Variants in SPDEF observed in about 807,000 individuals in gnomAD.
SPDEF encodes the protein SAM pointed domain containing ETS transcription factor, also known as SAM pointed domain-containing Ets transcription factor.
Under a neutral mutation model 36.0 loss-of-function variants are expected in SPDEF, and 12 were observed. The observed-to-expected ratio is 0.33, with a 90% CI of 0.21 to 0.54. The LOEUF is 0.54. Ranked by LOEUF, SPDEF falls within the 20% of genes least tolerant of loss-of-function variation. SPDEF has a pLI of 0.93. For synonymous variants in SPDEF, 205 were observed against 193.0 expected, an observed-to-expected ratio of 1.06 and a Z score of -0.51; for missense variants, 388 against 456.9, an observed-to-expected ratio of 0.85 and a Z score of 1.37.
At position 34,539,419 on chromosome 6, in the gene SPDEF, G is replaced by T. The variant is rs201024618; in HGVS notation, c.683-23C>A. 4.3e-6 allele frequency: 7 copies of T among 1,612,756 alleles called. No homozygotes were observed. In the East Asian group the frequency reaches 1.3e-4, roughly 31 times the overall value. On this transcript the variant is annotated intron_variant, in intron 4 of 5. Coordinates refer to ENST00000374037, the MANE Select transcript of SPDEF (RefSeq NM_012391.3). This position sits in a 1 kb window ranked among gnomAD's most constrained non-coding sequence, Gnocchi z 5.2. ...AGGCTGGGTGGCCAGGGAGGGTGGC[G>T]GTGAGTGGGAATGGGAGGCCAGTCC... is the stretch of plus-strand genomic sequence containing the variant.
rs1243784672 is a variant in SPDEF at position 34,538,023 on chromosome 6, AGCC to A, written c.*248_*250del. The A allele has an allele frequency of 8.7e-6, 4 of 458,696 alleles. No individual in the cohort carries two copies. Among genetic ancestry groups the A allele is most frequent in the Non-Finnish European group, 1.6e-5 (4 of 254,168 alleles). The allele number at this position is 458,696 out of a possible 1,614,324, so 28.4% of individuals were successfully genotyped here. On this transcript the variant is annotated 3_prime_UTR_variant, in exon 6 of 6. Coordinates refer to ENST00000374037, the MANE Select transcript of SPDEF (RefSeq NM_012391.3). The surrounding 1 kb of genome is among the most constrained non-coding windows in gnomAD (Gnocchi z 5.9). ...GGGTCAGAGGCAGGTGTTGGGGAGC[AGCC>A]CTGTCTCCCTCTGTCCTCCAGGGGA...
intron 1 of SPDEF, among the ~76,000 whole-genome samples, chr6:34,545,337 G>T (rs899964557): frequency 6.6e-6 from 1 of 152,246 alleles, no homozygotes; most frequent in African/African-American, 2.4e-5. Flanking sequence ...GTGAGATGGG[G>T]CAGGGCTCCA....
rs576498823 is a variant in SPDEF, at chr6:34,544,303, G to C, written c.153C>G (p.Pro51=). Residue 51 remains proline, a synonymous_variant, in exon 2 of 6, where the codon CCC becomes CCG. Transcript: ENST00000374037. This position sits in a 1 kb window ranked among gnomAD's most constrained non-coding sequence, Gnocchi z 4.4. ...GGTAGAAGGCGGACAGGCCCTGCTCGGGCGTGGCGGGTGGACTGGGACTCC... is the reference window on the plus strand; with the variant it reads ...GGTAGAAGGCGGACAGGCCCTGCTCCGGCGTGGCGGGTGGACTGGGACTCC... ...RDWSPSPPAT[P]EQGLSAFYLS... is the part of the protein sequence containing the mutation. 3 of 1,610,934 alleles carry C rather than the reference G, an allele frequency of 1.9e-6. No individual in the cohort carries two copies. The highest frequency in any genetic ancestry group is 2.2e-5 in the East Asian group (1 of 44,866).
rs749491032 is a variant in SPDEF, at chr6:34,544,145, C to G, written c.311G>C (p.Ser104Thr). Residue 104 changes from serine to threonine, a missense_variant, in exon 2 of 6, where the codon AGC becomes ACC. Transcript: ENST00000374037. The surrounding 1 kb of genome is among the most constrained non-coding windows in gnomAD (Gnocchi z 4.4). ...PVIDSQAPAGSLDLVPGGLTL... is the reference protein window; with the variant it reads ...PVIDSQAPAGTLDLVPGGLTL... The stretch of plus-strand genomic sequence containing the variant: ...CAGCCCGCCGGGCACCAAGTCCAGG[C>G]TGCCCGCTGGGGCTTGGCTGTCAAT... 1.2e-6 allele frequency: 2 copies of G among 1,613,916 alleles called. No individual in the cohort carries two copies. Among genetic ancestry groups the G allele is most frequent in the South Asian group, 2.2e-5 (2 of 91,070 alleles).
chr6:34,549,737 C>G (rs1379394703), intron 1 of SPDEF, among the ~76,000 whole-genome samples: 1 of 152,188 alleles, frequency 6.6e-6, no homozygotes, highest in Admixed American at 6.5e-5. Context: ...AATGCCAGCC[C>G]GCCCAGAGCC....
intron 1 of SPDEF, among the ~76,000 whole-genome samples, chr6:34,553,771 G>A (rs926369168): frequency 6.6e-6 from 1 of 151,924 alleles, no homozygotes; most frequent in Admixed American, 6.6e-5. Context: ...GTGGAGTCTG[G>A]GGGGAGCTGA....
At position 34,540,843 on chromosome 6, in the gene SPDEF, T is replaced by C. The variant is rs955323878; in HGVS notation, c.634+141A>G. The stretch of plus-strand genomic sequence containing the variant: ...AGTGCACCAGGATCCAGGAGGCAGC[T>C]GAAACTGGGGCTGAGATTCAGAGTG... On this transcript the variant is annotated intron_variant, in intron 3 of 5. Coordinates refer to ENST00000374037, the MANE Select transcript of SPDEF (RefSeq NM_012391.3). The C allele has an allele frequency of 7.2e-5, 56 of 774,194 alleles. No individual in the cohort carries two copies. The African/African-American group carries it at 7.8e-4, about 11-fold the overall frequency. 48.0% of individuals were successfully genotyped at this position (774,194 alleles called of 1,614,324 possible).
rs1435822070 is a variant in SPDEF, at chr6:34,552,945, C to T, written c.-30+2984G>A. On this transcript the variant is annotated intron_variant, in intron 1 of 5. Coordinates refer to ENST00000374037, the MANE Select transcript of SPDEF (RefSeq NM_012391.3). The surrounding 1 kb of genome is among the most constrained non-coding windows in gnomAD (Gnocchi z 4.6). ...GCAGCCCTCAAAGCAACTTGCTACC[C>T]CAGGAGCAGAGAGGCCTGGGCCTTG... Among the ~76,000 whole-genome samples, 1 of 152,138 alleles carries T rather than the reference C, an allele frequency of 6.6e-6. No homozygotes were observed. The highest frequency in any genetic ancestry group is 1.5e-5 in the Non-Finnish European group (1 of 68,016).
At chr6:34,549,913 T>C (rs1768025185) in intron 1 of SPDEF, among the ~76,000 whole-genome samples, 1 of 152,190 alleles carries the variant, frequency 6.6e-6, no homozygotes, top group Non-Finnish European at 1.5e-5. Context: ...GAGCTGTCTG[T>C]CAGCCCCTCC....
chr6:34,549,289 A>G (rs970112145), intron 1 of SPDEF, among the ~76,000 whole-genome samples: 5 of 152,224 alleles, frequency 3.3e-5, no homozygotes, highest in African/African-American at 2.4e-5. Context: ...AGACAGGAGC[A>G]GAATGGTGGG....
chr6:34,550,032 G>A (rs1768027471), intron 1 of SPDEF, among the ~76,000 whole-genome samples: 1 of 152,216 alleles, frequency 6.6e-6, no homozygotes, highest in Admixed American at 6.5e-5. Context: ...GGGGCCACAT[G>A]GGCCTGCCCT....
rs1283484567 is a variant in SPDEF, at chr6:34,544,972, G to A, written c.-29-488C>T. On this transcript the variant is annotated intron_variant, in intron 1 of 5. Coordinates refer to ENST00000374037, the MANE Select transcript of SPDEF (RefSeq NM_012391.3). The surrounding 1 kb of genome is among the most constrained non-coding windows in gnomAD (Gnocchi z 4.4). ...GGCAGGCAGAGGCCACCATCCTAAA[G>A]GTGGCTATCATCTTCACCAGCAGGG... 6.6e-6 allele frequency among the ~76,000 whole-genome samples: 1 copy of A among 152,328 alleles called. No individual in the cohort carries two copies. The highest frequency in any genetic ancestry group is 6.5e-5 in the Admixed American group (1 of 15,304).
In SPDEF at chr6:34,539,158, C is replaced by A; in HGVS notation, c.829+92G>T. ...GGTGGGGATCAGCTTCACCCCTCTG[C>A]CCGCCCCTGCCCCCATGCACCGTGC... On this transcript the variant is annotated intron_variant, in intron 5 of 5. Transcript: ENST00000374037. This position sits in a 1 kb window ranked among gnomAD's most constrained non-coding sequence, Gnocchi z 5.2. The A allele has an allele frequency of 6.8e-7, 1 of 1,463,714 alleles. No individual in the cohort carries two copies. The highest frequency in any genetic ancestry group is 1.9e-5 in the Admixed American group (1 of 53,696). 90.7% of individuals were successfully genotyped at this position (1,463,714 alleles called of 1,614,324 possible).
intron 1 of SPDEF, among the ~76,000 whole-genome samples, chr6:34,545,531 A>C (rs1389321252): frequency 6.6e-6 from 1 of 152,242 alleles, no homozygotes; most frequent in Non-Finnish European, 1.5e-5. Flanking sequence ...AGTTTGGGTG[A>C]GAAGGGGGAC....
chr6:34,540,026 C>T (rs960964997), intron 3 of SPDEF, among the ~76,000 whole-genome samples: 1 of 152,148 alleles, frequency 6.6e-6, no homozygotes, highest in Non-Finnish European at 1.5e-5. Flanking sequence ...GCAGGCCGGG[C>T]GTGGAGGCTC....
chr6:34,538,408 C>T lies in SPDEF; in HGVS notation c.874G>A (p.Gly292Ser). ...ATGGCGGGACGGTTCTTGCGGATGCCCCACAGCCGGGCCACCTGGGCTGAG... is the reference window on the plus strand; with the variant it reads ...ATGGCGGGACGGTTCTTGCGGATGCTCCACAGCCGGGCCACCTGGGCTGAG... Reference protein sequence around the residue: ...EDSAQVARLWGIRKNRPAMNY... With the variant: ...EDSAQVARLWSIRKNRPAMNY... Residue 292 changes from glycine (G) to serine (S), a missense_variant, in exon 6 of 6, where the codon GGC becomes AGC. Coordinates refer to ENST00000374037, the MANE Select transcript of SPDEF (RefSeq NM_012391.3). This position sits in a 1 kb window ranked among gnomAD's most constrained non-coding sequence, Gnocchi z 5.9. 1 of 1,613,950 alleles carries T rather than the reference C, an allele frequency of 6.2e-7. No individual in the cohort carries two copies. The highest frequency in any genetic ancestry group is 8.5e-7 in the Non-Finnish European group (1 of 1,179,900).
In SPDEF at chr6:34,539,582, G is replaced by C. The variant is rs1266019424; in HGVS notation, c.635-20C>G. On this transcript the variant is annotated intron_variant, in intron 3 of 5. Coordinates refer to ENST00000374037, the MANE Select transcript of SPDEF (RefSeq NM_012391.3). This position sits in a 1 kb window ranked among gnomAD's most constrained non-coding sequence, Gnocchi z 5.2. ...AGGCCGCTGCAGGGCAAGGAGAGGG[G>C]GTTGGGGACCCAGGAGAGGCCCCGA... 1 of 1,560,732 alleles carries C rather than the reference G, an allele frequency of 6.4e-7. No homozygotes were observed. Among genetic ancestry groups the C allele is most frequent in the Non-Finnish European group, 8.7e-7 (1 of 1,153,298 alleles).
intron 1 of SPDEF, among the ~76,000 whole-genome samples, chr6:34,549,455 G>C (rs970174591): frequency 9.9e-5 from 15 of 152,150 alleles, no homozygotes; most frequent in African/African-American, 3.6e-4. Flanking sequence ...ACCCCTCGGG[G>C]CTAGAAATGT....
rs528593627 is a variant in SPDEF at position 34,552,362 on chromosome 6, G to A, written c.-30+3567C>T. Among the ~76,000 whole-genome samples, 35 of 152,344 alleles carry A rather than the reference G, an allele frequency of 2.3e-4. No individual in the cohort carries two copies. Among genetic ancestry groups the A allele is most frequent in the African/African-American group, 7.7e-4 (32 of 41,576 alleles). On this transcript the variant is annotated intron_variant, in intron 1 of 5. Transcript: ENST00000374037. The surrounding 1 kb of genome is among the most constrained non-coding windows in gnomAD (Gnocchi z 4.6). Reference sequence around the variant, plus strand: ...CGGAGCTCTGCTGCTCCTGCCTGAGGCCCCTTGGCCGATCCTCTTGGCCTC... The same window carrying A: ...CGGAGCTCTGCTGCTCCTGCCTGAGACCCCTTGGCCGATCCTCTTGGCCTC...
Sources: allele counts gnomAD v4.1 joint callset (sites outside exome capture counted in the v4.1 genomes callset), GRCh38; gene constraint gnomAD v4.1.1; non-coding constraint Gnocchi (gnomAD v3.1); transcripts MANE v1.5; gene names NCBI Gene and HGNC (gene_info 2026-07-23, HGNC 2026-07-21).